AGMO: variants seen among roughly 807,000 people sequenced by gnomAD.
The protein encoded by AGMO is glyceryl-ether monooxygenase.
A neutral mutation model predicts 60.2 loss-of-function variants in AGMO; 75 were observed. The ratio of observed to expected loss-of-function variants is 1.25; its 90% CI spans 1.03 to 1.51. The LOEUF (loss-of-function observed/expected upper bound fraction) is 1.51, where lower values mean the gene tolerates loss of function less well. AGMO is among the 40% of genes most tolerant of loss of function. The pLI is 0.00. For synonymous variants in AGMO, 261 were observed against 177.1 expected (o/e 1.47, Z -3.76); for missense variants, 763 against 525.5 (o/e 1.45, Z -4.42).
At chr7:15,262,227 A>C (rs538125681) in intron 12 of AGMO, among the ~76,000 whole-genome samples, 1 of 152,182 alleles carries the variant, frequency 6.6e-6, no homozygotes, top group East Asian at 1.9e-4. Flanking sequence ...ATACTTAGAA[A>C]GCCCTAAAGA....
chr7:15,414,324 G>C (rs1435255798), intron 5 of AGMO, among the ~76,000 whole-genome samples: 2 of 152,132 alleles, frequency 1.3e-5, no homozygotes, highest in East Asian at 3.9e-4. Context: ...TAATGTGAAA[G>C]ATTAGCACAT....
chr7:15,198,229 G>GAGAC (rs1563030405), downstream of AGMO, among the ~76,000 whole-genome samples: 15 of 115,592 alleles, frequency 1.3e-4, no homozygotes, highest in African/African-American at 4.9e-4. Flanking sequence ...GAGAGAGAGA[G>GAGAC]AGAGAGAGAG....
chr7:15,362,313 T>A (rs888713197), intron 12 of AGMO, among the ~76,000 whole-genome samples: 2 of 152,186 alleles, frequency 1.3e-5, no homozygotes, highest in Admixed American at 6.5e-5. Context: ...GTGGAAAGGC[T>A]ACTTTCCAGA....
At chr7:15,142,348 C>T in the AGMO span, among the ~76,000 whole-genome samples, 173 of 152,222 alleles carry the variant, frequency 1.1e-3, no homozygotes, top group African/African-American at 3.9e-3. Flanking sequence ...AAGCAAGACC[C>T]ACCAACTTAT....
chr7:15,193,016 C>T, the AGMO span, among the ~76,000 whole-genome samples: 96,023 of 152,044 alleles, frequency 0.63, 31,722 homozygotes, highest in African/African-American at 0.85. Context: ...TAATAGCATG[C>T]CAGTGGCATT....
intron 3 of AGMO, among the ~76,000 whole-genome samples, chr7:15,461,517 T>C (rs1782141922): frequency 6.6e-6 from 1 of 152,118 alleles, no homozygotes; most frequent in Admixed American, 6.6e-5. Context: ...AAAATTAGGA[T>C]GGTCATGAAG....
At chr7:15,158,558 G>T in the AGMO span, among the ~76,000 whole-genome samples, 1 of 152,096 alleles carries the variant, frequency 6.6e-6, no homozygotes, top group Non-Finnish European at 1.5e-5. Flanking sequence ...GTCTTACTGT[G>T]GAATCACAAT....
chr7:15,535,368 C>A (rs1005295725), intron 3 of AGMO, among the ~76,000 whole-genome samples: 1 of 151,618 alleles, frequency 6.6e-6, no homozygotes, highest in East Asian at 1.9e-4. Context: ...ATAAAAGAAT[C>A]GGAATTCAAG....
chr7:15,185,910 T>A, the AGMO span, among the ~76,000 whole-genome samples: 1 of 152,232 alleles, frequency 6.6e-6, no homozygotes, highest in Non-Finnish European at 1.5e-5. Context: ...GTCTTCTAAG[T>A]ATAGCTCTGC....
rs1782972527 is a variant in AGMO, at chr7:15,252,597, A to G, written c.1264-51238T>C. ...AATGACACTGAACACCACGTGAGCT[A>G]GGAAATAGATCCATCCCCAGTCAAG... On this transcript the variant is annotated intron_variant, in intron 12 of 12. Coordinates refer to ENST00000342526, the MANE Select transcript of AGMO (RefSeq NM_001004320.2). Among the ~76,000 whole-genome samples, 3 of 152,212 alleles carry G rather than the reference A, an allele frequency of 2.0e-5. No individual in the cohort carries two copies. In the South Asian group the frequency reaches 6.2e-4, roughly 32 times the overall value.
chr7:15,504,237 T>A (rs1373984588), intron 3 of AGMO, among the ~76,000 whole-genome samples: 2 of 152,044 alleles, frequency 1.3e-5, no homozygotes, highest in Admixed American at 6.6e-5. Flanking sequence ...AAATGCTATA[T>A]CTTCTCCTTC....
chr7:15,548,883 A>C (rs1669452721), intron 2 of AGMO, among the ~76,000 whole-genome samples: 1 of 151,914 alleles, frequency 6.6e-6, no homozygotes, highest in African/African-American at 2.4e-5. Flanking sequence ...CCAAAGTTGA[A>C]ATGAAGGAAA....
rs118171845 is a variant in AGMO at position 15,422,915 on chromosome 7, C to G, written c.514-4262G>C. ...ACTGTGCTTCACAGAGTCATGGAAA[C>G]TAGGCTTCTTAGTTTGGACGAGGTA... On this transcript the variant is annotated intron_variant, in intron 4 of 12. Coordinates refer to ENST00000342526, the MANE Select transcript of AGMO (RefSeq NM_001004320.2). Among the ~76,000 whole-genome samples the G allele has an allele frequency of 2.2e-4, 33 of 152,218 alleles. No individual in the cohort carries two copies. In the East Asian group the frequency reaches 5.8e-3, roughly 27 times the overall value.
At chr7:15,336,188 A>G (rs1781653928) in intron 12 of AGMO, among the ~76,000 whole-genome samples, 1 of 152,102 alleles carries the variant, frequency 6.6e-6, no homozygotes, top group Admixed American at 6.6e-5. Flanking sequence ...CTTCTAACAC[A>G]TTCAATTTCA....
intron 10 of AGMO, among the ~76,000 whole-genome samples, chr7:15,375,661 T>G (rs1332007706): frequency 2.6e-5 from 4 of 152,156 alleles, no homozygotes; most frequent in African/African-American, 9.7e-5. Context: ...CCTCCTAAAG[T>G]GCTGGATTAC....
intron 12 of AGMO, among the ~76,000 whole-genome samples, chr7:15,352,863 GTGTA>G (rs1169078911): frequency 2.6e-5 from 4 of 152,028 alleles, no homozygotes; most frequent in African/African-American, 4.8e-5. Flanking sequence ...AAATTAGAAC[GTGTA>G]TGTGTTTAAT....
chr7:15,334,356 C>T (rs570771732), intron 12 of AGMO, among the ~76,000 whole-genome samples: 181 of 150,440 alleles, frequency 1.2e-3, no homozygotes, highest in African/African-American at 4.1e-3. Flanking sequence ...TTTACAATTA[C>T]AATTATCTGC....
At chr7:15,277,068 G>A (rs922429250) in intron 12 of AGMO, among the ~76,000 whole-genome samples, 13 of 151,828 alleles carry the variant, frequency 8.6e-5, no homozygotes, top group African/African-American at 1.2e-4. Flanking sequence ...AGCACTTTGG[G>A]AGGCCAAGGT....
chr7:15,318,733 C>G (rs564664264), intron 12 of AGMO, among the ~76,000 whole-genome samples: 1 of 152,150 alleles, frequency 6.6e-6, no homozygotes, highest in Non-Finnish European at 1.5e-5. Context: ...AAAATACGGG[C>G]TAGAATTATA....
Sources: gnomAD v4.1 joint callset for allele counts (sites outside exome capture counted in the v4.1 genomes callset) on GRCh38, gnomAD v4.1.1 for gene constraint, MANE v1.5 for transcripts, NCBI Gene and HGNC (gene_info 2026-07-23, HGNC 2026-07-21) for gene names.